The following ZFPM2 variants were observed in gnomAD, a reference collection of about 807,000 sequenced individuals.
The protein encoded by ZFPM2 is zinc finger protein ZFPM2.
Under a neutral mutation model 98.6 loss-of-function variants are expected in ZFPM2, and 20 were observed. The ratio of observed to expected loss-of-function variants is 0.20; its 90% CI spans 0.14 to 0.29. The LOEUF (loss-of-function observed/expected upper bound fraction) is 0.29, where lower values mean the gene tolerates loss of function less well. Ranked by LOEUF, ZFPM2 falls within the 10% of genes least tolerant of loss-of-function variation. ZFPM2 has a pLI of 1.00. For synonymous variants in ZFPM2, 518 were observed against 502.7 expected (o/e 1.03, Z -0.41); for missense variants, 1,310 against 1,388.6 (o/e 0.94, Z 0.90).
At chr8:105,653,570 A>T (rs1208899601) in intron 5 of ZFPM2, among the ~76,000 whole-genome samples, 1 of 152,194 alleles carries the variant, frequency 6.6e-6, no homozygotes, top group Non-Finnish European at 1.5e-5. Context: ...CTAAATCCAT[A>T]TGTGCATTTT....
intron 1 of ZFPM2, among the ~76,000 whole-genome samples, chr8:105,344,899 G>A (rs190527698): frequency 4.5e-4 from 68 of 152,058 alleles, no homozygotes; most frequent in African/African-American, 1.4e-3. Context: ...CTTTATATGC[G>A]TGGACATTTT....
At chr8:105,426,489 C>T (rs1811914579) in intron 2 of ZFPM2, among the ~76,000 whole-genome samples, 1 of 152,156 alleles carries the variant, frequency 6.6e-6, no homozygotes. Context: ...CCACCTCCCC[C>T]TCCCTCCACA....
In ZFPM2 at chr8:105,719,411, G is replaced by A. The variant is rs373157122; in HGVS notation, c.533-69307G>A. On this transcript the variant is annotated intron_variant, in intron 5 of 7. Transcript: ENST00000407775. ...GTTTGGTGCTGAATAAAACAAAAGC[G>A]TCATTATAAATAAATCAGACTTTGA... Among the ~76,000 whole-genome samples, 46 of 151,840 alleles carry A rather than the reference G, an allele frequency of 3.0e-4. 1 individual carries two copies. Among genetic ancestry groups the A allele is most frequent in the Admixed American group, 2.7e-3 (41 of 15,202 alleles).
At chr8:105,659,696 G>A (rs1045934157) in intron 5 of ZFPM2, among the ~76,000 whole-genome samples, 1 of 152,106 alleles carries the variant, frequency 6.6e-6, no homozygotes, top group African/African-American at 2.4e-5. Flanking sequence ...CCAAAATTCA[G>A]ATTCAAACCC....
At chr8:105,729,438 A>C (rs12541049) in intron 5 of ZFPM2, among the ~76,000 whole-genome samples, 48,053 of 151,334 alleles carry the variant, frequency 0.32, 7,798 homozygotes, top group Admixed American at 0.36. Context: ...TAAGAAAAGC[A>C]TAAGAGCCTG....
At chr8:105,337,771 G>A (rs1812356015) in intron 1 of ZFPM2, among the ~76,000 whole-genome samples, 1 of 150,420 alleles carries the variant, frequency 6.6e-6, no homozygotes, top group South Asian at 2.1e-4. Flanking sequence ...TTAATTTAGT[G>A]AAATGAAAAA....
chr8:105,364,125 A>T (rs1810458155), intron 1 of ZFPM2, among the ~76,000 whole-genome samples: 1 of 152,086 alleles, frequency 6.6e-6, no homozygotes, highest in Non-Finnish European at 1.5e-5. Flanking sequence ...TTATAGGCAT[A>T]TTGTTTATTC....
intron 1 of ZFPM2, among the ~76,000 whole-genome samples, chr8:105,418,080 A>AT (rs1811713840): frequency 6.6e-6 from 1 of 152,130 alleles, no homozygotes; most frequent in African/African-American, 2.4e-5. Context: ...AAATTGTAGT[A>AT]TATGCACTAT....
chr8:105,555,647 A>T (rs1814970674), intron 3 of ZFPM2, among the ~76,000 whole-genome samples: 1 of 152,146 alleles, frequency 6.6e-6, no homozygotes, highest in African/African-American at 2.4e-5. Context: ...TGTTGAGGTG[A>T]ACTACATTAT....
intron 1 of ZFPM2, among the ~76,000 whole-genome samples, chr8:105,345,762 T>G (rs948252356): frequency 6.6e-6 from 1 of 152,256 alleles, no homozygotes; most frequent in Admixed American, 6.5e-5. Context: ...TGTAATAAGA[T>G]TGTTATAATC....
chr8:105,330,597 T>TATATATACAC (rs1554595006), intron 1 of ZFPM2, among the ~76,000 whole-genome samples: 23 of 71,464 alleles, frequency 3.2e-4, no homozygotes, highest in South Asian at 1.2e-3. Context: ...TATATATACA[T>TATATATACAC]ATATATATAT....
intron 3 of ZFPM2, among the ~76,000 whole-genome samples, chr8:105,487,702 G>A (rs574709484): frequency 2.0e-4 from 31 of 151,486 alleles, no homozygotes; most frequent in African/African-American, 7.0e-4. Flanking sequence ...GCACATAATA[G>A]GAATTAAAAA....
chr8:105,449,219 A>G (rs1258746506), intron 3 of ZFPM2, among the ~76,000 whole-genome samples: 1 of 152,042 alleles, frequency 6.6e-6, no homozygotes, highest in Non-Finnish European at 1.5e-5. Flanking sequence ...TGGTCTTACC[A>G]TCAGGCTTAT....
In ZFPM2 at chr8:105,803,151, G is replaced by T. The variant is rs1814093068; in HGVS notation, c.3069G>T (p.Gly1023=). 1 of 1,613,812 alleles carries T rather than the reference G, an allele frequency of 6.2e-7. No homozygotes were observed. The highest frequency in any genetic ancestry group is 1.7e-5 in the Admixed American group (1 of 59,988). Residue 1023 remains glycine, a synonymous_variant, in exon 8 of 8, where the codon GGG becomes GGT. Transcript: ENST00000407775. ...CTAAAGGCCAGGCTTCCTCAAATGG[G>T]TGTGCTGCGCTGAAGAAAGATTCTC... ...ESPKGQASSN[G]CAALKKDSLP...
In ZFPM2 at chr8:105,769,175, A is replaced by T. The variant is rs60477247; in HGVS notation, c.533-19543A>T. On this transcript the variant is annotated intron_variant, in intron 5 of 7. Transcript: ENST00000407775. ...TTGTTTACTGTCTATCCTCCAAAACACATATTCACCTACAAAGGAAACACG... is the reference window on the plus strand; with the variant it reads ...TTGTTTACTGTCTATCCTCCAAAACTCATATTCACCTACAAAGGAAACACG... Among the ~76,000 whole-genome samples the T allele has an allele frequency of 3.7e-3, 557 of 152,138 alleles. 2 individuals are homozygous for T. The highest frequency in any genetic ancestry group is 0.012 in the African/African-American group (514 of 41,542).
At chr8:105,679,227 C>T (rs541635939) in intron 5 of ZFPM2, among the ~76,000 whole-genome samples, 1 of 152,250 alleles carries the variant, frequency 6.6e-6, no homozygotes, top group African/African-American at 2.4e-5. Flanking sequence ...AGTATTTCTG[C>T]AGTCTCTTTA....
chr8:105,493,495 A>C (rs1193908372), intron 3 of ZFPM2, among the ~76,000 whole-genome samples: 3 of 152,180 alleles, frequency 2.0e-5, no homozygotes, highest in African/African-American at 7.2e-5. Context: ...CACACACTGC[A>C]AGTGATAAGA....
rs568255874 is a variant in ZFPM2, at chr8:105,690,621, A to T, written c.532+56264A>T. Among the ~76,000 whole-genome samples, 6 of 152,214 alleles carry T rather than the reference A, an allele frequency of 3.9e-5. No homozygotes were observed. In the South Asian group the frequency reaches 1.2e-3, roughly 32 times the overall value. Reference sequence around the variant, plus strand: ...TACAACGAAATGAGACTCACCTTGGACACCTGTGGGAGTAGCCCTGACTCA... The same window carrying T: ...TACAACGAAATGAGACTCACCTTGGTCACCTGTGGGAGTAGCCCTGACTCA... On this transcript the variant is annotated intron_variant, in intron 5 of 7. Coordinates refer to ENST00000407775, the MANE Select transcript of ZFPM2 (RefSeq NM_012082.4).
chr8:105,480,256 C>T (rs1006240316), intron 3 of ZFPM2, among the ~76,000 whole-genome samples: 2 of 152,184 alleles, frequency 1.3e-5, no homozygotes, highest in African/African-American at 4.8e-5. Context: ...AAGAAAAGAG[C>T]AGCATTTACC....
Sources: gnomAD v4.1 joint callset for allele counts (sites outside exome capture counted in the v4.1 genomes callset) on GRCh38, gnomAD v4.1.1 for gene constraint, MANE v1.5 for transcripts, NCBI Gene and HGNC (gene_info 2026-07-23, HGNC 2026-07-21) for gene names.